INPP4B: variants seen among roughly 807,000 people sequenced by gnomAD.
The protein encoded by INPP4B is inositol polyphosphate 4-phosphatase type II.
In INPP4B, 55 loss-of-function variants were observed where a neutral mutation model predicts 122.5. The ratio of observed to expected loss-of-function variants is 0.45; its 90% CI spans 0.36 to 0.56. The LOEUF (loss-of-function observed/expected upper bound fraction) is 0.56, where lower values mean the gene tolerates loss of function less well. INPP4B is among the 20% of genes least tolerant of loss of function. INPP4B has a pLI of 0.00. For synonymous variants in INPP4B, 403 were observed against 388.7 expected (o/e 1.04, Z -0.43); for missense variants, 1,000 against 1,097.7 (o/e 0.91, Z 1.26).
At chr4:142,535,363 A>AC (rs1466863467) in intron 2 of INPP4B, among the ~76,000 whole-genome samples, 3 of 152,168 alleles carry the variant, frequency 2.0e-5, no homozygotes, top group Non-Finnish European at 4.4e-5. Context: ...TTCCGAGCAG[A>AC]GATTTAATAC....
At chr4:142,722,809 T>C (rs1049692565) in intron 2 of INPP4B, among the ~76,000 whole-genome samples, 2 of 152,294 alleles carry the variant, frequency 1.3e-5, no homozygotes, top group Admixed American at 1.3e-4. Flanking sequence ...GATTTACATG[T>C]ACTTTTCATC....
In INPP4B at chr4:142,429,232, A is replaced by G; in HGVS notation, c.92-15T>C. 3.4e-6 allele frequency: 5 copies of G among 1,475,978 alleles called. No individual in the cohort carries two copies. Among genetic ancestry groups the G allele is most frequent in the Non-Finnish European group, 4.7e-6 (5 of 1,067,628 alleles). The allele number at this position is 1,475,978 out of a possible 1,614,324, so 91.4% of individuals were successfully genotyped here. On this transcript the variant is annotated splice_polypyrimidine_tract_variant and intron_variant, in intron 4 of 25. Transcript: ENST00000262992. ...CTTCTGGATACCTATAAATAATAGG[A>G]GCAAATTCAGATTTTTAAAAAATTG...
At chr4:142,628,557 T>TAAAAA (rs35955830) in intron 2 of INPP4B, among the ~76,000 whole-genome samples, 119 of 99,640 alleles carry the variant, frequency 1.2e-3, no homozygotes, top group Non-Finnish European at 1.5e-3. Context: ...AAACTTAAAG[T>TAAAAA]AAAAAAAAAA....
At chr4:142,758,352 T>G (rs772138911) in intron 1 of INPP4B, among the ~76,000 whole-genome samples, 1 of 152,146 alleles carries the variant, frequency 6.6e-6, no homozygotes, top group African/African-American at 2.4e-5. Context: ...AGGGAATTAA[T>G]GTATGAACAT....
chr4:142,642,969 G>A (rs1170741521), intron 2 of INPP4B, among the ~76,000 whole-genome samples: 1 of 152,122 alleles, frequency 6.6e-6, no homozygotes, highest in Non-Finnish European at 1.5e-5. Flanking sequence ...AGTTCTCCTT[G>A]AAGAGGTCCT....
intron 9 of INPP4B, among the ~76,000 whole-genome samples, chr4:142,293,746 T>C (rs1381185769): frequency 6.6e-6 from 1 of 152,202 alleles, no homozygotes; most frequent in East Asian, 1.9e-4. Flanking sequence ...GTGAATGTCA[T>C]TTAACGGTTT....
chr4:142,404,741 C>T (rs1213572917), intron 6 of INPP4B, among the ~76,000 whole-genome samples: 2 of 151,778 alleles, frequency 1.3e-5, no homozygotes, highest in African/African-American at 4.8e-5. Context: ...TAAAGAATAC[C>T]GGGGGGAAAA....
At chr4:142,287,920 G>C (rs1333843490) in intron 9 of INPP4B, among the ~76,000 whole-genome samples, 1 of 152,184 alleles carries the variant, frequency 6.6e-6, no homozygotes, top group East Asian at 1.9e-4. Context: ...TTGGGTTCTG[G>C]TGAGGGCTCT....
chr4:142,217,115 T>C (rs1847611265), intron 12 of INPP4B, among the ~76,000 whole-genome samples: 1 of 152,076 alleles, frequency 6.6e-6, no homozygotes, highest in Non-Finnish European at 1.5e-5. Context: ...CTGTGTACAA[T>C]TCTGTTTGGA....
chr4:142,788,496 G>C (rs551956353), intron 1 of INPP4B, among the ~76,000 whole-genome samples: 1 of 151,928 alleles, frequency 6.6e-6, no homozygotes, highest in Non-Finnish European at 1.5e-5. Context: ...TAGGTTATTG[G>C]GCAACAGGAG....
intron 16 of INPP4B, among the ~76,000 whole-genome samples, chr4:142,166,751 A>C (rs1239645372): frequency 2.6e-5 from 4 of 151,962 alleles, no homozygotes; most frequent in African/African-American, 9.7e-5. Flanking sequence ...TTCTTCTCAA[A>C]AGAGACATTT....
chr4:142,458,422 T>A (rs1815972907), intron 3 of INPP4B, among the ~76,000 whole-genome samples: 1 of 152,106 alleles, frequency 6.6e-6, no homozygotes, highest in Admixed American at 6.5e-5. Flanking sequence ...AAATTTACTG[T>A]ATGCAAATTT....
intron 11 of INPP4B, among the ~76,000 whole-genome samples, chr4:142,252,007 G>C (rs1732381497): frequency 1.3e-5 from 2 of 152,148 alleles, no homozygotes; most frequent in Non-Finnish European, 2.9e-5. Context: ...ATGAGCAAAG[G>C]CCTTGGAATC....
chr4:142,239,577 T>C (rs752132402), intron 11 of INPP4B, among the ~76,000 whole-genome samples: 1 of 152,160 alleles, frequency 6.6e-6, no homozygotes, highest in Non-Finnish European at 1.5e-5. Flanking sequence ...TAAAAAGTTT[T>C]AGTCATTTGT....
rs1416092752 is a variant in INPP4B at position 142,695,567 on chromosome 4, T to G, written c.-191+30272A>C. The stretch of plus-strand genomic sequence containing the variant: ...TTATCTGAAAATTATCAGTTTATTT[T>G]TAAAATACTATGCATAAATTTATGA... On this transcript the variant is annotated intron_variant, in intron 2 of 25. Transcript: ENST00000262992. Among the ~76,000 whole-genome samples, 13 of 152,288 alleles carry G rather than the reference T, an allele frequency of 8.5e-5. No individual in the cohort carries two copies. The East Asian group carries it at 2.5e-3, about 29-fold the overall frequency.
chr4:142,747,069 A>C (rs1158741264), intron 1 of INPP4B, among the ~76,000 whole-genome samples: 2 of 152,212 alleles, frequency 1.3e-5, no homozygotes, highest in Non-Finnish European at 2.9e-5. Flanking sequence ...AGAAACTCTC[A>C]TCAGAGTGAA....
chr4:142,088,628 T>C (rs1777973446), intron 23 of INPP4B, among the ~76,000 whole-genome samples: 1 of 152,200 alleles, frequency 6.6e-6, no homozygotes, highest in South Asian at 2.1e-4. Flanking sequence ...CTGTGCAACT[T>C]AGTGTAATGC....
At chr4:142,291,845 T>C (rs1276916487) in intron 9 of INPP4B, among the ~76,000 whole-genome samples, 1 of 152,258 alleles carries the variant, frequency 6.6e-6, no homozygotes, top group Non-Finnish European at 1.5e-5. Flanking sequence ...TTGTGCTGCA[T>C]CATTTCCTAT....
chr4:142,392,101 C>T (rs937407378), intron 7 of INPP4B, among the ~76,000 whole-genome samples: 4 of 152,178 alleles, frequency 2.6e-5, no homozygotes, highest in Admixed American at 1.3e-4. Context: ...TTGACATCCA[C>T]ACTACAGCAA....
Sources: allele counts gnomAD v4.1 joint callset (sites outside exome capture counted in the v4.1 genomes callset), GRCh38; gene constraint gnomAD v4.1.1; transcripts MANE v1.5; gene names NCBI Gene and HGNC (gene_info 2026-07-23, HGNC 2026-07-21).